TDRD10: variants seen among roughly 807,000 people sequenced by gnomAD.
The protein encoded by TDRD10 is tudor domain containing 10, also known as tudor domain-containing protein 10.
TDRD10 carries 40 observed loss-of-function variants against 48.0 expected under a neutral mutation model. That is an observed-to-expected ratio of 0.83 (90% confidence interval 0.65 to 1.09). The LOEUF (loss-of-function observed/expected upper bound fraction) is 1.09, where lower values mean the gene tolerates loss of function less well. Ranked by LOEUF, TDRD10 falls within the 50% of genes least tolerant of loss-of-function variation. The pLI, the probability that TDRD10 is intolerant of heterozygous loss-of-function variation, is 0.00. For missense variants in TDRD10, 378 were observed against 434.7 expected (o/e 0.87, Z 1.16); for synonymous variants, 162 against 170.4 (o/e 0.95, Z 0.38).
At chr1:154,532,857 G>A (rs556919363) in intron 6 of TDRD10, among the ~76,000 whole-genome samples, 122 of 152,292 alleles carry the variant, frequency 8.0e-4, no homozygotes, top group African/African-American at 2.7e-3. Flanking sequence ...CCTCTAAGGC[G>A]GCAGCGAGCC....
intron 6 of TDRD10, among the ~76,000 whole-genome samples, chr1:154,532,428 G>A (rs373463132): frequency 1.2e-4 from 19 of 152,218 alleles, no homozygotes; most frequent in Admixed American, 3.3e-4. Context: ...AGCACCGCGC[G>A]CAGCCCTGGT....
intron 1 of TDRD10, among the ~76,000 whole-genome samples, chr1:154,505,918 G>A (rs1377920351): frequency 6.6e-6 from 1 of 152,184 alleles, no homozygotes; most frequent in Non-Finnish European, 1.5e-5. Flanking sequence ...TATGACATGG[G>A]TGTTTTGATT....
intron 6 of TDRD10, among the ~76,000 whole-genome samples, chr1:154,521,711 A>G (rs894650234): frequency 1.1e-4 from 17 of 152,214 alleles, no homozygotes; most frequent in African/African-American, 4.1e-4. Context: ...GGCAAGGATA[A>G]AAAGGGCCAT....
chr1:154,521,464 G>T lies in TDRD10; in HGVS notation c.354G>T (p.Gln118His). The change falls in exon 6 of 13, where the codon CAG becomes CAT. Residue 118 changes from glutamine to histidine, a missense_variant. Transcript: ENST00000368482. ...AGAGGACCCCTGATATGATCCAGCA[G>T]CCTCGGGCCCCGCTGGTATGTCTTC... Reference protein sequence around the residue: ...PPKRTPDMIQQPRAPLVLEKA... With the variant: ...PPKRTPDMIQHPRAPLVLEKA... The T allele has an allele frequency of 6.2e-7, 1 of 1,613,934 alleles. No homozygotes were observed. Among genetic ancestry groups the T allele is most frequent in the Non-Finnish European group, 8.5e-7 (1 of 1,180,022 alleles).
chr1:154,544,606 T>G, intron 10 of TDRD10, 89 bp downstream of exon 10: 1 of 1,517,592 alleles, frequency 6.6e-7, no homozygotes, highest in Non-Finnish European at 8.8e-7. Context: ...GGCTCTGGTT[T>G]TTTTTCCTGT....
intron 1 of TDRD10, among the ~76,000 whole-genome samples, chr1:154,506,273 C>T (rs917463961): frequency 2.0e-5 from 3 of 152,294 alleles, no homozygotes; most frequent in Non-Finnish European, 2.9e-5. Context: ...AGGCTGCCAG[C>T]ATTCCATGGC....
At chr1:154,543,428 A>C (rs1027176939) in intron 8 of TDRD10, among the ~76,000 whole-genome samples, 1 of 152,156 alleles carries the variant, frequency 6.6e-6, no homozygotes, top group African/African-American at 2.4e-5. Flanking sequence ...TCTTAATGTC[A>C]AGAGTGCCAG....
intron 6 of TDRD10, among the ~76,000 whole-genome samples, chr1:154,536,488 G>A (rs1226019661): frequency 6.6e-6 from 1 of 152,216 alleles, no homozygotes; most frequent in Non-Finnish European, 1.5e-5. Context: ...TAGCCAGATA[G>A]AACCCATTCT....
At chr1:154,515,449 C>T (rs984286642) in intron 4 of TDRD10, among the ~76,000 whole-genome samples, 4 of 152,206 alleles carry the variant, frequency 2.6e-5, no homozygotes, top group Non-Finnish European at 5.9e-5. Flanking sequence ...GAATCCCTTG[C>T]GGCCCTGTGT....
Position 154,547,677 on chromosome 1 carries a change from G to C in TDRD10, c.1024-1G>C. 1 of 1,614,124 alleles carries C rather than the reference G, an allele frequency of 6.2e-7. No homozygotes were observed. On this transcript the variant is annotated splice_acceptor_variant, in intron 12 of 12. Coordinates refer to ENST00000368482, the MANE Select transcript of TDRD10 (RefSeq NM_182499.4). LOFTEE classifies it high-confidence loss of function. ...ACCAAGGCTTTGTCTTTCTCTTCCA[G>C]TTGCACATCCTAAAGTTTGAAGAGT... is the stretch of plus-strand genomic sequence containing the variant.
intron 4 of TDRD10, among the ~76,000 whole-genome samples, chr1:154,512,184 G>T (rs1693520026): frequency 6.6e-6 from 1 of 152,094 alleles, no homozygotes; most frequent in Non-Finnish European, 1.5e-5. Context: ...TGGTAACCAT[G>T]AATCTACTTT....
chr1:154,515,389 C>G (rs149793513), intron 4 of TDRD10, among the ~76,000 whole-genome samples: 2 of 152,186 alleles, frequency 1.3e-5, no homozygotes, highest in East Asian at 1.9e-4. Flanking sequence ...GTCTTGGCCC[C>G]CCTCCACTCA....
chr1:154,506,898 T>G lies in TDRD10; in HGVS notation c.-6T>G, dbSNP rs764199537. On this transcript the variant is annotated 5_prime_UTR_variant, in exon 2 of 13. Transcript: ENST00000368482. ...GTAGGAGATCCTGTTGGAAAGCAAC[T>G]GCAGCATGTAAGTCCCTTCCTTTTG... is the stretch of plus-strand genomic sequence containing the variant. The G allele has an allele frequency of 6.2e-7, 1 of 1,614,206 alleles. No homozygotes were observed. The highest frequency in any genetic ancestry group is 8.5e-7 in the Non-Finnish European group (1 of 1,180,022).
At chr1:154,540,284 G>A (rs1406603578) in intron 6 of TDRD10, among the ~76,000 whole-genome samples, 5 of 152,014 alleles carry the variant, frequency 3.3e-5, no homozygotes, top group East Asian at 1.9e-4. Context: ...TCATGGGCTC[G>A]GGTGTGTCTT....
chr1:154,505,284 G>A (rs1424202239), intron 1 of TDRD10, among the ~76,000 whole-genome samples: 4 of 152,236 alleles, frequency 2.6e-5, no homozygotes, highest in Non-Finnish European at 4.4e-5. Context: ...CATAGTACCT[G>A]GCAGGCCTTA....
intron 6 of TDRD10, among the ~76,000 whole-genome samples, chr1:154,540,563 G>C (rs554169874): frequency 1.3e-5 from 2 of 151,492 alleles, no homozygotes; most frequent in South Asian, 4.2e-4. Flanking sequence ...AGCTAGGCTG[G>C]GGAGGGTCTG....
At chr1:154,516,323 A>G (rs891282384) in intron 4 of TDRD10, among the ~76,000 whole-genome samples, 2 of 152,030 alleles carry the variant, frequency 1.3e-5, no homozygotes, top group African/African-American at 4.8e-5. Context: ...GGTGCTGGAA[A>G]GAGAGGAGCT....
rs1053033801 is a variant in TDRD10, at chr1:154,502,587, G to T, written c.-470G>T. ...GGGGCGGCGGCCGCACGTGCGGATC[G>T]GCCGCGCCCCACTGAGCAGAGAGCC... On this transcript the variant is annotated 5_prime_UTR_variant, in exon 1 of 13. Coordinates refer to ENST00000368482, the MANE Select transcript of TDRD10 (RefSeq NM_182499.4). 1 of 152,138 alleles carries T rather than the reference G, an allele frequency of 6.6e-6. No homozygotes were observed. Among genetic ancestry groups the T allele is most frequent in the Non-Finnish European group, 1.5e-5 (1 of 68,074 alleles). The allele number at this position is 152,138 out of a possible 1,614,324, so 9.4% of individuals were successfully genotyped here. A position where few individuals can be genotyped will look rare whatever the true frequency, so the allele number is the denominator to read the frequency against.
At chr1:154,544,247 C>T (rs1302729256) in intron 9 of TDRD10, 125 bp from the exon 10 acceptor site, 32 of 1,541,512 alleles carry the variant, frequency 2.1e-5, no homozygotes, top group Non-Finnish European at 2.7e-5. Context: ...GTCTCGTTCT[C>T]TCTCCCACCT....
Sources: allele counts gnomAD v4.1 joint callset (sites outside exome capture counted in the v4.1 genomes callset), GRCh38; gene constraint gnomAD v4.1.1; transcripts MANE v1.5; gene names NCBI Gene and HGNC (gene_info 2026-07-23, HGNC 2026-07-21).